The following AAGAB variants were observed in gnomAD, a reference collection of about 807,000 sequenced individuals.
The protein encoded by AAGAB is alpha and gamma adaptin binding protein.
AAGAB carries 38 observed loss-of-function variants against 44.1 expected under a neutral mutation model. The observed-to-expected ratio is 0.86, with a 90% confidence interval of 0.67 to 1.13. The LOEUF is 1.13. Among genes scored for constraint, AAGAB ranks in the 50% most tolerant of loss-of-function variants. The probability of loss-of-function intolerance (pLI) is 0.00; values close to 1 mark genes in which losing one functional copy is unlikely to be tolerated. For missense variants in AAGAB, 450 were observed against 373.8 expected, an observed-to-expected ratio of 1.20 and a Z score of -1.68; for synonymous variants, 131 against 131.8, an observed-to-expected ratio of 0.99 and a Z score of 0.04.
upstream of AAGAB, chr15:67,254,717 G>A: frequency 1.4e-6 from 2 of 1,419,484 alleles, no homozygotes; most frequent in Non-Finnish European, 1.9e-6. Context: ...GAGACAGGCC[G>A]GAGAGGGCGT....
intron 7 of AAGAB, among the ~76,000 whole-genome samples, chr15:67,206,394 A>C (rs1963685512): frequency 6.6e-6 from 1 of 152,166 alleles, no homozygotes; most frequent in South Asian, 2.1e-4. Context: ...CCCCTTTGTA[A>C]TAAATAAACA....
At chr15:67,241,360 G>A (rs1164494765) in intron 1 of AAGAB, among the ~76,000 whole-genome samples, 1 of 152,130 alleles carries the variant, frequency 6.6e-6, no homozygotes, top group Non-Finnish European at 1.5e-5. Context: ...TGATCCTTCC[G>A]GAAACCAGCA....
At chr15:67,225,459 G>C (rs757337790) in intron 5 of AAGAB, among the ~76,000 whole-genome samples, 1 of 151,926 alleles carries the variant, frequency 6.6e-6, no homozygotes, top group Non-Finnish European at 1.5e-5. Context: ...ATGATTCAGT[G>C]GTTTTTAGTA....
At chr15:67,254,778 C>A (rs1269679301), upstream of AAGAB, 1 of 1,340,128 alleles carries the variant, frequency 7.5e-7, no homozygotes, top group African/African-American at 1.5e-5. Flanking sequence ...CCCTTCCGCT[C>A]CCAGCGTGGA....
At chr15:67,211,453 C>T (rs958992700) in intron 5 of AAGAB, among the ~76,000 whole-genome samples, 1 of 152,132 alleles carries the variant, frequency 6.6e-6, no homozygotes, top group African/African-American at 2.4e-5. Context: ...CAGTGTCCTA[C>T]GATGACAGTT....
intron 1 of AAGAB, among the ~76,000 whole-genome samples, chr15:67,244,748 G>A (rs748494812): frequency 2.0e-5 from 3 of 149,266 alleles, no homozygotes; most frequent in Non-Finnish European, 4.5e-5. Flanking sequence ...AGGCTGCAGT[G>A]AGCCGAGATC....
chr15:67,237,570 A>G (rs1964500296), intron 1 of AAGAB, among the ~76,000 whole-genome samples: 1 of 152,222 alleles, frequency 6.6e-6, no homozygotes, highest in Admixed American at 6.5e-5. Context: ...TGGTGAACAA[A>G]TGAATATAGA....
At chr15:67,254,935 C>T, upstream of AAGAB, 2 of 1,613,708 alleles carry the variant, frequency 1.2e-6, no homozygotes, top group Middle Eastern at 1.7e-4. Context: ...CTGTCGGATC[C>T]ATCTTAATCC....
chr15:67,233,435 G>C (rs1266247504), intron 4 of AAGAB, among the ~76,000 whole-genome samples: 1 of 152,152 alleles, frequency 6.6e-6, no homozygotes, highest in East Asian at 1.9e-4. Context: ...CAAAGGAAAT[G>C]GGGATCCTGC....
intron 7 of AAGAB, among the ~76,000 whole-genome samples, chr15:67,204,627 T>C (rs1434235599): frequency 6.6e-6 from 1 of 151,946 alleles, no homozygotes; most frequent in Non-Finnish European, 1.5e-5. Context: ...ATAACAGAAA[T>C]GATATGAAAA....
intron 1 of AAGAB, among the ~76,000 whole-genome samples, chr15:67,251,832 C>G (rs941538008): frequency 2.0e-5 from 3 of 152,190 alleles, no homozygotes; most frequent in Admixed American, 6.5e-5. Context: ...TTAATTTAAT[C>G]CCAGCTTTAA....
chr15:67,216,232 AAG>A (rs1963941803), intron 5 of AAGAB, among the ~76,000 whole-genome samples: 1 of 151,990 alleles, frequency 6.6e-6, no homozygotes, highest in Non-Finnish European at 1.5e-5. Flanking sequence ...TCACGAGGCC[AAG>A]AGCTCGAAAC....
intron 8 of AAGAB, 129 bp from the exon 9 acceptor site, chr15:67,203,726 G>A: frequency 1.2e-6 from 1 of 834,266 alleles, no homozygotes; most frequent in East Asian, 2.6e-5. Flanking sequence ...CATGTATTAG[G>A]AAGTTTTTAA....
At chr15:67,225,973 T>C (rs1964194777) in intron 5 of AAGAB, among the ~76,000 whole-genome samples, 1 of 152,176 alleles carries the variant, frequency 6.6e-6, no homozygotes, top group African/African-American at 2.4e-5. Flanking sequence ...GCAGCACCAT[T>C]TTATATTCCC....
At chr15:67,250,386 AG>A (rs1241684030) in intron 1 of AAGAB, among the ~76,000 whole-genome samples, 1 of 152,110 alleles carries the variant, frequency 6.6e-6, no homozygotes, top group African/African-American at 2.4e-5. Context: ...CATGTTGGCC[AG>A]GCTGGTTTTG....
In AAGAB at chr15:67,202,835, C is replaced by T. The variant is rs1595975600; in HGVS notation, c.934G>A (p.Asp312Asn). The change falls in exon 10 of 10, where the codon GAT becomes AAT. Residue 312 changes from aspartate (D) to asparagine (N), a missense_variant. Coordinates refer to ENST00000261880, the MANE Select transcript of AAGAB (RefSeq NM_024666.5). Reference protein sequence around the residue: ...DRDEIEGLSSDEEH With the variant: ...DRDEIEGLSSNEEH Reference sequence around the variant, plus strand: ...GTATGAATAATTCAGTGCTCTTCATCAGATGAAAGGCCTTCAATTTCATCT... The same window carrying T: ...GTATGAATAATTCAGTGCTCTTCATTAGATGAAAGGCCTTCAATTTCATCT... 1.9e-6 allele frequency: 3 copies of T among 1,614,012 alleles called. No homozygotes were observed. The highest frequency in any genetic ancestry group is 1.6e-4 in the Middle Eastern group (1 of 6,062).
intron 1 of AAGAB, among the ~76,000 whole-genome samples, chr15:67,239,504 T>A (rs2140384906): frequency 1.3e-5 from 2 of 152,340 alleles, no homozygotes; most frequent in South Asian, 4.1e-4. Context: ...GAAAATGAAT[T>A]TCACATTTCA....
intron 1 of AAGAB, among the ~76,000 whole-genome samples, chr15:67,238,529 C>A (rs1227002560): frequency 6.6e-6 from 1 of 152,214 alleles, no homozygotes; most frequent in Non-Finnish European, 1.5e-5. Context: ...GGCATAGTAA[C>A]ACGTGGCTGT....
At chr15:67,241,807 G>A (rs1964606182) in intron 1 of AAGAB, among the ~76,000 whole-genome samples, 1 of 152,156 alleles carries the variant, frequency 6.6e-6, no homozygotes, top group Admixed American at 6.5e-5. Flanking sequence ...CTCCTGACTA[G>A]AGGTAGGTTA....
Sources: gnomAD v4.1 joint callset for allele counts (sites outside exome capture counted in the v4.1 genomes callset) on GRCh38, gnomAD v4.1.1 for gene constraint, MANE v1.5 for transcripts, NCBI Gene and HGNC (gene_info 2026-07-23, HGNC 2026-07-21) for gene names.